The following MDN1 variants were observed in gnomAD, a reference collection of about 807,000 sequenced individuals.
The protein encoded by MDN1 is midasin.
Under a neutral mutation model 669.2 loss-of-function variants are expected in MDN1, and 266 were observed. The observed-to-expected ratio is 0.40, with a 90% confidence interval of 0.36 to 0.44. The LOEUF is 0.44. Ranked by LOEUF, MDN1 falls within the 20% of genes least tolerant of loss-of-function variation. MDN1 has a pLI of 1.00. For missense variants in MDN1, 5,940 were observed against 6,754.0 expected, an observed-to-expected ratio of 0.88 and a Z score of 4.22; for synonymous variants, 2,385 against 2,457.1, an observed-to-expected ratio of 0.97 and a Z score of 0.87.
intron 5 of MDN1, among the ~76,000 whole-genome samples, chr6:89,793,276 C>A (rs1164011872): frequency 6.6e-6 from 1 of 152,208 alleles, no homozygotes; most frequent in Non-Finnish European, 1.5e-5. Context: ...GTAATTCTGC[C>A]TTTGAATTAC....
chr6:89,788,898 G>C (rs1376474779), intron 7 of MDN1, among the ~76,000 whole-genome samples: 1 of 152,214 alleles, frequency 6.6e-6, no homozygotes, highest in Non-Finnish European at 1.5e-5. Context: ...GGCTGAGGCA[G>C]GCAGATCACG....
At chr6:89,774,006 T>C (rs1434252105) in intron 13 of MDN1, among the ~76,000 whole-genome samples, 1 of 149,038 alleles carries the variant, frequency 6.7e-6, no homozygotes, top group Admixed American at 6.7e-5. Context: ...AAGAAAGAAA[T>C]CAGGAAGAGG....
At chr6:89,709,182 A>G (rs1242487501) in intron 50 of MDN1, among the ~76,000 whole-genome samples, 1 of 152,194 alleles carries the variant, frequency 6.6e-6, no homozygotes, top group African/African-American at 2.4e-5. Context: ...CATTCTCCAG[A>G]AGTTGTGAAA....
intron 96 of MDN1, 95 bp from the exon 97 acceptor site, chr6:89,650,293 A>C: frequency 8.8e-7 from 1 of 1,141,550 alleles, no homozygotes; most frequent in Non-Finnish European, 1.2e-6. Context: ...CTTAAAACCA[A>C]TAGCAAGTAA....
Position 89,743,646 on chromosome 6 carries a change from C to A in MDN1, c.4247G>T (p.Cys1416Phe). ...LANQKLYSVS[C>F]HLHMETSDFL... ...GTCTGATGTCTCCATGTGTAAGTGGCAGCTGACAGAGTATAATTTCTGATT... is the reference window on the plus strand; with the variant it reads ...GTCTGATGTCTCCATGTGTAAGTGGAAGCTGACAGAGTATAATTTCTGATT... The change falls in exon 30 of 102, where the codon TGC becomes TTC. Residue 1416 changes from cysteine (C) to phenylalanine (F), a missense_variant. This residue lies in a region of MDN1 where 2,292 missense variants were observed against 2,638.3 expected (regional missense o/e 0.87). Coordinates refer to ENST00000369393, the MANE Select transcript of MDN1 (RefSeq NM_014611.3). The A allele has an allele frequency of 6.8e-6, 11 of 1,614,134 alleles. No homozygotes were observed. Among genetic ancestry groups the A allele is most frequent in the Non-Finnish European group, 9.3e-6 (11 of 1,179,976 alleles).
intron 1 of MDN1, among the ~76,000 whole-genome samples, chr6:89,816,410 C>T (rs1017397018): frequency 1.6e-5 from 2 of 127,254 alleles, no homozygotes; most frequent in East Asian, 2.4e-4. Flanking sequence ...CGTCTAGGGG[C>T]GGGGGTGAGG....
At chr6:89,781,117 G>A in intron 10 of MDN1, 1 of 406,602 alleles carries the variant, frequency 2.5e-6, no homozygotes, top group Non-Finnish European at 4.6e-6. Flanking sequence ...CCACTCCCAA[G>A]TTGGTCTTTA....
At chr6:89,678,942 G>A (rs1032589159) in intron 74 of MDN1, among the ~76,000 whole-genome samples, 197 bp from the exon 75 acceptor site, 13 of 152,198 alleles carry the variant, frequency 8.5e-5, no homozygotes, top group African/African-American at 3.1e-4. Flanking sequence ...TGGTCAAGGT[G>A]CATGGAAATA....
intron 26 of MDN1, among the ~76,000 whole-genome samples, 193 bp from the exon 27 acceptor site, chr6:89,747,663 G>A (rs560078442): frequency 1.1e-4 from 17 of 151,870 alleles, no homozygotes; most frequent in African/African-American, 3.6e-4. Context: ...AGGCCAAGGC[G>A]GGCGGATCAC....
At chr6:89,684,442 T>C (rs776845348) in intron 71 of MDN1, among the ~76,000 whole-genome samples, 2 of 147,932 alleles carry the variant, frequency 1.4e-5, no homozygotes, top group African/African-American at 2.5e-5. Flanking sequence ...TCACCTGACA[T>C]ATACTCCAGC....
intron 1 of MDN1, among the ~76,000 whole-genome samples, chr6:89,814,495 A>G (rs1768673418): frequency 6.6e-6 from 1 of 151,104 alleles, no homozygotes; most frequent in South Asian, 2.1e-4. Context: ...CAGTGCTGTG[A>G]TGACAGGCAT....
At chr6:89,656,632 C>T in intron 91 of MDN1, 68 bp downstream of exon 91, 2 of 967,896 alleles carry the variant, frequency 2.1e-6, no homozygotes, top group Non-Finnish European at 3.0e-6. Flanking sequence ...TTTTTTAAAG[C>T]ACTACGTTTG....
chr6:89,738,739 A>C (rs1461035657), intron 32 of MDN1, among the ~76,000 whole-genome samples: 2 of 152,156 alleles, frequency 1.3e-5, no homozygotes, highest in Non-Finnish European at 2.9e-5. Flanking sequence ...GTCAAATCTG[A>C]ACTCTTCCCC....
In MDN1 at chr6:89,675,900, A is replaced by G. The variant is rs778188986; in HGVS notation, c.12645+202T>C. On this transcript the variant is annotated intron_variant, in intron 77 of 101. Transcript: ENST00000369393. ...ATTAAGAAAATCTGTCCTGCTGGCA[A>G]GTGTAACTGAATTTATTTAAGGTGT... 2.4e-4 allele frequency: 134 copies of G among 556,772 alleles called. 1 individual carries two copies. Among genetic ancestry groups the G allele is most frequent in the Non-Finnish European group, 3.4e-4 (108 of 318,972 alleles). The allele number at this position is 556,772 out of a possible 1,614,324, so 34.5% of individuals were successfully genotyped here.
intron 97 of MDN1, among the ~76,000 whole-genome samples, chr6:89,648,937 T>C (rs919850649): frequency 4.7e-5 from 7 of 150,296 alleles, no homozygotes; most frequent in East Asian, 2.0e-4. Context: ...CACAGTGAGC[T>C]ATGATCATGC....
chr6:89,778,885 CA>C (rs1562209479), intron 11 of MDN1, among the ~76,000 whole-genome samples: 1 of 63,960 alleles, frequency 1.6e-5, no homozygotes, highest in Non-Finnish European at 3.5e-5. Context: ...GACTATGTCT[CA>C]AAAATAAATA....
Position 89,674,483 on chromosome 6 carries a change from G to T in MDN1, c.12868C>A (p.Leu4290Met). 6.2e-7 allele frequency: 1 copy of T among 1,613,072 alleles called. No individual in the cohort carries two copies. The highest frequency in any genetic ancestry group is 1.7e-5 in the Admixed American group (1 of 60,010). ...TGGCACTGCATGGCCAGGTGCTGCA[G>T]GCGCTCTGTCCACTGCTGCACGCCA... ...QDGVQQWTER[L>M]QHLAMQCQIL... Residue 4290 changes from leucine (L) to methionine (M), a missense_variant, in exon 79 of 102, where the codon CTG becomes ATG. Leu to Met is a conservative substitution (Grantham distance 15). Coordinates refer to ENST00000369393, the MANE Select transcript of MDN1 (RefSeq NM_014611.3).
intron 11 of MDN1, among the ~76,000 whole-genome samples, chr6:89,779,901 A>C (rs1818571043): frequency 6.6e-6 from 1 of 152,184 alleles, no homozygotes; most frequent in Admixed American, 6.5e-5. Context: ...CCTCGTTTCT[A>C]CTAAAAATAC....
rs778481127 is a variant in MDN1 at position 89,710,699 on chromosome 6, A to G, written c.7747T>C (p.Leu2583=). 3.2e-6 allele frequency: 5 copies of G among 1,586,910 alleles called. No individual in the cohort carries two copies. Among genetic ancestry groups the G allele is most frequent in the Middle Eastern group, 1.7e-4 (1 of 6,002 alleles). ...TGCATACCTGTTGTATTTGGTTGTA[A>G]TATTTTGAAAACATTACTGACTGCA... ...SGAVSNVFKI[L]QPNTTDEFVI... is the part of the protein sequence containing the mutation. Residue 2583 remains leucine, a synonymous_variant, in exon 50 of 102, where the codon TTA becomes CTA. Coordinates refer to ENST00000369393, the MANE Select transcript of MDN1 (RefSeq NM_014611.3).
Sources: allele counts gnomAD v4.1 joint callset (sites outside exome capture counted in the v4.1 genomes callset), GRCh38; gene constraint gnomAD v4.1.1; regional missense constraint gnomAD v4.1.1; transcripts MANE v1.5; gene names NCBI Gene and HGNC (gene_info 2026-07-23, HGNC 2026-07-21).